Variants in AGO2 observed in about 807,000 individuals in gnomAD.
AGO2 encodes the protein protein argonaute-2.
In AGO2, 5 loss-of-function variants were observed where a neutral mutation model predicts 102.3. That is an observed-to-expected ratio of 0.05 (90% CI 0.03 to 0.10). AGO2 has a LOEUF of 0.10. Ranked by LOEUF, AGO2 falls within the 10% of genes least tolerant of loss-of-function variation. The pLI is 1.00. For synonymous variants in AGO2, 449 were observed against 473.1 expected (o/e 0.95, Z 0.66); for missense variants, 541 against 1,183.7 (o/e 0.46, Z 7.97).
chr8:140,619,939 G>A (rs1588511801), intron 1 of AGO2, among the ~76,000 whole-genome samples: 1 of 152,210 alleles, frequency 6.6e-6, no homozygotes, highest in Admixed American at 6.5e-5. Flanking sequence ...TGCTAGTGTG[G>A]ACGCGTGTGT....
intron 1 of AGO2, among the ~76,000 whole-genome samples, chr8:140,602,322 CATT>C (rs2073944309): frequency 1.3e-5 from 2 of 152,148 alleles, no homozygotes; most frequent in South Asian, 4.1e-4. Flanking sequence ...GCAACACTGT[CATT>C]ATAAAGGGAA....
intron 2 of AGO2, among the ~76,000 whole-genome samples, chr8:140,577,845 G>A (rs1216041028): frequency 1.3e-5 from 2 of 152,208 alleles, no homozygotes; most frequent in Non-Finnish European, 2.9e-5. Flanking sequence ...TCCAGCACTC[G>A]GCATGATCAC....
intron 11 of AGO2, among the ~76,000 whole-genome samples, chr8:140,550,221 C>T (rs897556319): frequency 1.3e-5 from 2 of 152,252 alleles, no homozygotes; most frequent in Non-Finnish European, 2.9e-5. Context: ...AAGACGTCAG[C>T]TCTGAGGGCC....
intron 3 of AGO2, among the ~76,000 whole-genome samples, chr8:140,566,681 GC>G (rs1208583447): frequency 6.6e-6 from 1 of 150,806 alleles, no homozygotes; most frequent in African/African-American, 2.4e-5. Context: ...TGACTGAGGC[GC>G]CCCGGGCCAG....
At position 140,551,383 on chromosome 8, in the gene AGO2, C is replaced by T; in HGVS notation, c.1323G>A (p.Gln441=). ...CCTTGATCTCGATGCCCGTGTGGAA[C>T]TGCTTGTTCCGCATGTCCCAGACGC... ...VQGVWDMRNK[Q]FHTGIEIKVW... Residue 441 remains glutamine, a synonymous_variant, in exon 11 of 19, where the codon CAG becomes CAA. Coordinates refer to ENST00000220592, the MANE Select transcript of AGO2 (RefSeq NM_012154.5). 1 of 1,598,636 alleles carries T rather than the reference C, an allele frequency of 6.3e-7. No individual in the cohort carries two copies. Among genetic ancestry groups the T allele is most frequent in the Middle Eastern group, 1.9e-4 (1 of 5,400 alleles).
upstream of AGO2, among the ~76,000 whole-genome samples, chr8:140,639,758 G>A (rs568136902): frequency 2.0e-5 from 3 of 152,308 alleles, no homozygotes; most frequent in African/African-American, 7.2e-5. Context: ...GGGTGACAGA[G>A]TGAGACCCTG....
intron 1 of AGO2, among the ~76,000 whole-genome samples, chr8:140,607,532 A>C (rs1356674771): frequency 6.9e-6 from 1 of 143,890 alleles, no homozygotes; most frequent in South Asian, 2.2e-4. Context: ...ACACACACGT[A>C]TGGAAAAAAA....
intron 10 of AGO2, among the ~76,000 whole-genome samples, chr8:140,551,974 T>C (rs988542468): frequency 2.6e-5 from 4 of 152,024 alleles, no homozygotes; most frequent in African/African-American, 9.7e-5. Context: ...TGGAGTTAGA[T>C]GGAGGATGGA....
upstream of AGO2, among the ~76,000 whole-genome samples, chr8:140,640,005 T>G (rs1352372510): frequency 9.3e-6 from 1 of 108,034 alleles, no homozygotes; most frequent in Non-Finnish European, 2.2e-5. Flanking sequence ...CAAGTTGCCA[T>G]TTTTTTTTAA....
rs10661844 is a variant in AGO2 at position 140,577,207 on chromosome 8, C to CAA, written c.216-4277_216-4276dup. On this transcript the variant is annotated intron_variant, in intron 2 of 18. Transcript: ENST00000220592. ...TGGGCGACAGAGCAAGACTCCATCTCAAAAAAAAAAAAAAAAAAAAAGAAA... is the reference window on the plus strand; with the variant it reads ...TGGGCGACAGAGCAAGACTCCATCTCAAAAAAAAAAAAAAAAAAAAAAAGAAA... Among the ~76,000 whole-genome samples, 523 of 70,542 alleles carry CAA rather than the reference C, an allele frequency of 7.4e-3. 16 individuals are homozygous for CAA. The highest frequency in any genetic ancestry group is 0.013 in the East Asian group (32 of 2,390). The allele number at this position is 70,542 out of a possible 152,430, so 46.3% of individuals were successfully genotyped here. A position where few individuals can be genotyped will look rare whatever the true frequency, so the allele number is the denominator to read the frequency against.
Position 140,531,074 on chromosome 8 carries a change from AG to A in AGO2, c.*969del, listed in dbSNP as rs2072587646. On this transcript the variant is annotated 3_prime_UTR_variant, in exon 19 of 19. Transcript: ENST00000220592. Reference sequence around the variant, plus strand: ...AGAACTGAGAGGCGGTCCCATCTCCAGGCTCCAAAACACTCTTGATATGCCA... The same window carrying A: ...AGAACTGAGAGGCGGTCCCATCTCCAGCTCCAAAACACTCTTGATATGCCA... 2 of 152,516 alleles carry A rather than the reference AG, an allele frequency of 1.3e-5. No homozygotes were observed. The highest frequency in any genetic ancestry group is 4.1e-4 in the South Asian group (2 of 4,828). 9.4% of individuals were successfully genotyped at this position (152,516 alleles called of 1,614,324 possible).
intron 14 of AGO2, 23 bp from the exon 15 acceptor site, chr8:140,541,381 T>C: frequency 1.3e-6 from 2 of 1,557,604 alleles, no homozygotes; most frequent in East Asian, 2.3e-5. Flanking sequence ...GCAGTGAGTG[T>C]GGTCAGGGGT....
intron 2 of AGO2, among the ~76,000 whole-genome samples, chr8:140,582,955 T>C (rs1029462667): frequency 1.3e-5 from 2 of 152,208 alleles, no homozygotes; most frequent in African/African-American, 4.8e-5. Flanking sequence ...TGGTAAAGCT[T>C]GACTTCTGGG....
intron 3 of AGO2, 168 bp downstream of exon 3, chr8:140,572,644 G>A (rs1339856950): frequency 3.2e-6 from 3 of 943,526 alleles, no homozygotes; most frequent in Non-Finnish European, 4.4e-6. Flanking sequence ...CCACAACACA[G>A]AGAAGGTAGT....
intron 17 of AGO2, among the ~76,000 whole-genome samples, chr8:140,533,162 G>A (rs1033442278): frequency 3.2e-4 from 48 of 151,972 alleles, no homozygotes; most frequent in Admixed American, 1.3e-3. Context: ...GGCCGAGGCG[G>A]GCAGATCACA....
chr8:140,638,625 A>C (rs1009370179), upstream of AGO2, among the ~76,000 whole-genome samples: 1 of 152,246 alleles, frequency 6.6e-6, no homozygotes, highest in African/African-American at 2.4e-5. Flanking sequence ...CCAAAGTGAA[A>C]GTGTAGTGGC....
intron 1 of AGO2, among the ~76,000 whole-genome samples, chr8:140,620,452 TA>T (rs750094306): frequency 6.6e-6 from 1 of 152,160 alleles, no homozygotes; most frequent in Non-Finnish European, 1.5e-5. Context: ...TGACTCAAAC[TA>T]TGGAGGGTGC....
chr8:140,600,620 C>A (rs1431277956), intron 1 of AGO2, among the ~76,000 whole-genome samples: 2 of 151,234 alleles, frequency 1.3e-5, no homozygotes, highest in Non-Finnish European at 2.9e-5. Context: ...GCAGTGGTTG[C>A]AGTGAGCCGA....
intron 1 of AGO2, among the ~76,000 whole-genome samples, chr8:140,594,373 C>G (rs2073790719): frequency 6.6e-6 from 1 of 152,074 alleles, no homozygotes; most frequent in African/African-American, 2.4e-5. Context: ...AAAATATCCA[C>G]AGAAATATTT....
Sources: gnomAD v4.1 joint callset for allele counts (sites outside exome capture counted in the v4.1 genomes callset) on GRCh38, gnomAD v4.1.1 for gene constraint, MANE v1.5 for transcripts, NCBI Gene and HGNC (gene_info 2026-07-23, HGNC 2026-07-21) for gene names.